GABRB1: variants seen among roughly 807,000 people sequenced by gnomAD.
GABRB1 encodes gamma-aminobutyric acid receptor subunit beta-1.
GABRB1 carries 17 observed loss-of-function variants against 51.6 expected under a neutral mutation model. The ratio of observed to expected loss-of-function variants is 0.33; its 90% CI spans 0.23 to 0.49. The LOEUF is 0.49. Among genes scored for constraint, GABRB1 ranks in the 20% least tolerant of loss-of-function variants. The pLI, the probability that GABRB1 is intolerant of heterozygous loss-of-function variation, is 0.99. For synonymous variants in GABRB1, 247 were observed against 218.9 expected (o/e 1.13, Z -1.14); for missense variants, 410 against 600.6 (o/e 0.68, Z 3.32).
chr4:47,042,266 A>T (rs1485317055), intron 3 of GABRB1, among the ~76,000 whole-genome samples: 4 of 150,638 alleles, frequency 2.7e-5, no homozygotes, highest in Non-Finnish European at 5.9e-5. Flanking sequence ...TTAATCTGTA[A>T]TTTTTTTATG....
intron 4 of GABRB1, among the ~76,000 whole-genome samples, chr4:47,235,160 A>C (rs1721281797): frequency 6.6e-6 from 1 of 152,048 alleles, no homozygotes; most frequent in African/African-American, 2.4e-5. Flanking sequence ...GTTCATTTCC[A>C]TCTCATCCAC....
chr4:47,281,662 T>C (rs1723297457), intron 4 of GABRB1, among the ~76,000 whole-genome samples: 1 of 152,158 alleles, frequency 6.6e-6, no homozygotes, highest in African/African-American at 2.4e-5. Context: ...TATCAATGTA[T>C]GAATGGATAA....
chr4:47,267,600 G>C (rs910759328), intron 4 of GABRB1, among the ~76,000 whole-genome samples: 15 of 152,016 alleles, frequency 9.9e-5, no homozygotes, highest in African/African-American at 3.6e-4. Context: ...TTCGAGACAA[G>C]CCTGGCCAAC....
At chr4:47,004,065 T>G (rs958887403) in intron 1 of GABRB1, among the ~76,000 whole-genome samples, 11 of 152,144 alleles carry the variant, frequency 7.2e-5, no homozygotes, top group African/African-American at 2.7e-4. Flanking sequence ...TCTCGGCTCA[T>G]GCAACCGCCA....
intron 5 of GABRB1, among the ~76,000 whole-genome samples, chr4:47,359,717 G>C (rs1481042273): frequency 6.6e-6 from 1 of 151,990 alleles, no homozygotes; most frequent in African/African-American, 2.4e-5. Context: ...TAGCTCTCAA[G>C]TCCAATTTCA....
intron 3 of GABRB1, among the ~76,000 whole-genome samples, chr4:47,071,042 G>A (rs935537694): frequency 2.0e-5 from 3 of 152,128 alleles, no homozygotes; most frequent in Admixed American, 2.0e-4. Flanking sequence ...TCTTATCTCA[G>A]CAAGAAGCAA....
At chr4:47,108,992 G>A (rs1401952828) in intron 3 of GABRB1, among the ~76,000 whole-genome samples, 1 of 152,042 alleles carries the variant, frequency 6.6e-6, no homozygotes, top group Non-Finnish European at 1.5e-5. Context: ...ATTACTTTGA[G>A]CTGCTTTGGG....
chr4:47,204,457 C>T (rs1252794398), intron 4 of GABRB1, among the ~76,000 whole-genome samples: 1 of 152,066 alleles, frequency 6.6e-6, no homozygotes, highest in Admixed American at 6.6e-5. Flanking sequence ...TCTTGAGAGG[C>T]CACCTAATTC....
At chr4:47,029,102 A>G (rs571993557), upstream of GABRB1, among the ~76,000 whole-genome samples, 1 of 151,888 alleles carries the variant, frequency 6.6e-6, no homozygotes, top group African/African-American at 2.4e-5. Flanking sequence ...ATTTCCAATT[A>G]ATAAAAATTG....
chr4:47,178,674 G>A (rs999632978), intron 4 of GABRB1, among the ~76,000 whole-genome samples: 2 of 152,072 alleles, frequency 1.3e-5, no homozygotes, highest in Admixed American at 6.6e-5. Flanking sequence ...AAAGGGCAAC[G>A]ATGAATGCCA....
At chr4:47,088,322 A>T (rs1010045657) in intron 3 of GABRB1, among the ~76,000 whole-genome samples, 2 of 152,200 alleles carry the variant, frequency 1.3e-5, no homozygotes, top group Non-Finnish European at 1.5e-5. Flanking sequence ...TGCACATAGG[A>T]GACTGAGATA....
intron 1 of GABRB1, among the ~76,000 whole-genome samples, chr4:47,002,540 C>A (rs1484706429): frequency 6.6e-6 from 1 of 151,960 alleles, no homozygotes; most frequent in African/African-American, 2.4e-5. Flanking sequence ...AAATAAGAAC[C>A]ACCTTTAAAG....
intron 5 of GABRB1, among the ~76,000 whole-genome samples, chr4:47,335,274 T>TAA (rs1205228879): frequency 6.6e-6 from 1 of 152,094 alleles, no homozygotes; most frequent in Non-Finnish European, 1.5e-5. Context: ...TATATATATA[T>TAA]AAGTGTTTTC....
chr4:46,999,131 C>T (rs138822588), intron 1 of GABRB1, among the ~76,000 whole-genome samples: 27 of 152,148 alleles, frequency 1.8e-4, no homozygotes, highest in African/African-American at 5.3e-4. Context: ...TTATGCATTA[C>T]CGATAGTGCC....
intron 1 of GABRB1, among the ~76,000 whole-genome samples, chr4:47,016,175 G>A (rs537822150): frequency 1.6e-4 from 24 of 152,272 alleles, no homozygotes; most frequent in Admixed American, 1.4e-3. Flanking sequence ...TAGAAATAAT[G>A]TAGGTTAGAG....
At chr4:47,203,571 A>T (rs1195919596) in intron 4 of GABRB1, among the ~76,000 whole-genome samples, 1 of 152,106 alleles carries the variant, frequency 6.6e-6, no homozygotes, top group Non-Finnish European at 1.5e-5. Flanking sequence ...GAGGATAGAA[A>T]TACCTCTTTC....
At chr4:47,408,638 A>G (rs1036141441) in intron 8 of GABRB1, among the ~76,000 whole-genome samples, 1 of 152,232 alleles carries the variant, frequency 6.6e-6, no homozygotes, top group Non-Finnish European at 1.5e-5. Flanking sequence ...TATTATACTC[A>G]TATGAGGTGA....
At chr4:47,248,455 A>T (rs1721850881) in intron 4 of GABRB1, among the ~76,000 whole-genome samples, 1 of 151,730 alleles carries the variant, frequency 6.6e-6, no homozygotes, top group Non-Finnish European at 1.5e-5. Flanking sequence ...ATCTATGTTC[A>T]TCAAGGATAT....
chr4:47,283,191 G>A (rs1449533479), intron 4 of GABRB1, among the ~76,000 whole-genome samples: 1 of 151,942 alleles, frequency 6.6e-6, no homozygotes, highest in Non-Finnish European at 1.5e-5. Context: ...ATAATTGGTT[G>A]ATAAGGTCTT....
Sources: allele counts gnomAD v4.1 joint callset (sites outside exome capture counted in the v4.1 genomes callset), GRCh38; gene constraint gnomAD v4.1.1; transcripts MANE v1.5; gene names NCBI Gene and HGNC (gene_info 2026-07-23, HGNC 2026-07-21).